Variants in EWSR1 observed in about 807,000 individuals in gnomAD.
EWSR1 encodes EWS RNA binding protein 1.
A neutral mutation model predicts 92.1 loss-of-function variants in EWSR1; 14 were observed. The observed-to-expected ratio is 0.15, with a 90% CI of 0.10 to 0.24. The LOEUF is 0.24. EWSR1 is among the 10% of genes least tolerant of loss of function. The probability of loss-of-function intolerance (pLI) is 1.00; values close to 1 mark genes in which losing one functional copy is unlikely to be tolerated. For synonymous variants in EWSR1, 303 were observed against 292.9 expected, an observed-to-expected ratio of 1.03 and a Z score of -0.35; for missense variants, 637 against 870.9, an observed-to-expected ratio of 0.73 and a Z score of 3.38.
At chr22:29,287,739 A>G (rs2060154582) in intron 7 of EWSR1, among the ~76,000 whole-genome samples, 1 of 152,246 alleles carries the variant, frequency 6.6e-6, no homozygotes, top group African/African-American at 2.4e-5. Context: ...GGGAAGTTGT[A>G]TGCAGTGAGT....
At position 29,272,210 on chromosome 22, in the gene EWSR1, C is replaced by T. The variant is rs6006084; in HGVS notation, c.14-6C>T. 10,720 of 1,613,514 alleles carry T rather than the reference C, an allele frequency of 6.6e-3. 626 individuals are homozygous for T. The African/African-American group carries it at 0.13, about 19-fold the overall frequency. On this transcript the variant is annotated splice_region_variant and splice_polypyrimidine_tract_variant and intron_variant, in intron 1 of 16. Coordinates refer to ENST00000397938, the MANE Select transcript of EWSR1 (RefSeq NM_005243.4). ...TACACTATTTTTCCTCCTTGTTTTC[C>T]TCTAGATTACAGTACCTATAGCCAA...
intron 8 of EWSR1, chr22:29,290,118 G>GC: frequency 1.0e-5 from 3 of 288,604 alleles, no homozygotes; most frequent in Non-Finnish European, 1.9e-5. Flanking sequence ...AGTAGAGGGG[G>GC]CCCCTCTTTC....
chr22:29,274,243 TTTTG>T (rs770603367), intron 4 of EWSR1: 2 of 1,613,610 alleles, frequency 1.2e-6, no homozygotes, highest in East Asian at 4.5e-5. Context: ...ACCCTCTACT[TTTTG>T]TTTTGTGCTT....
At chr22:29,292,034 C>T (rs1486721317) in intron 9 of EWSR1, 103 bp from the exon 10 acceptor site, 3 of 969,274 alleles carry the variant, frequency 3.1e-6, no homozygotes, top group Non-Finnish European at 5.0e-6. Context: ...TTAATGAATC[C>T]CCATCAAATG....
chr22:29,289,761 A>G (rs896221193), intron 8 of EWSR1: 3 of 232,216 alleles, frequency 1.3e-5, no homozygotes, highest in Non-Finnish European at 2.6e-5. Flanking sequence ...TTTAACTTCC[A>G]TATTAGCAAA....
intron 6 of EWSR1, 141 bp from the exon 7 acceptor site, chr22:29,286,782 A>G (rs1602407392): frequency 1.6e-6 from 1 of 619,418 alleles, no homozygotes; most frequent in Non-Finnish European, 2.8e-6. Context: ...TTGAAATTCA[A>G]ATTGTTGATG....
chr22:29,289,786 G>T (rs1299888250), intron 8 of EWSR1: 1 of 231,742 alleles, frequency 4.3e-6, no homozygotes, highest in African/African-American at 2.2e-5. Context: ...CTTCACTACT[G>T]AAAGACAGTA....
chr22:29,291,899 A>G (rs905382874), intron 9 of EWSR1: 16 of 579,076 alleles, frequency 2.8e-5, no homozygotes, highest in Non-Finnish European at 4.3e-5. Context: ...GCACATAAGC[A>G]TTGAGAGTGT....
At position 29,300,261 on chromosome 22, in the gene EWSR1, C is replaced by T; in HGVS notation, c.*100C>T. On this transcript the variant is annotated 3_prime_UTR_variant, in exon 17 of 17. Transcript: ENST00000397938. ...TCCATATTTATAATGTTGGCCACAA[C>T]ATTATGATTATTCCTTGTCTGTACT... The T allele has an allele frequency of 8.8e-7, 1 of 1,134,896 alleles. No homozygotes were observed. The highest frequency in any genetic ancestry group is 1.3e-6 in the Non-Finnish European group (1 of 767,196). The allele number at this position is 1,134,896 out of a possible 1,614,324, so 70.3% of individuals were successfully genotyped here.
chr22:29,278,412 C>T (rs769389558), intron 5 of EWSR1, among the ~76,000 whole-genome samples, 196 bp downstream of exon 5: 31 of 152,182 alleles, frequency 2.0e-4, no homozygotes, highest in Non-Finnish European at 3.8e-4. Context: ...ATTGGCTGGG[C>T]GCGGTTTCTC....
At chr22:29,284,439 G>C (rs1318815441) in intron 6 of EWSR1, among the ~76,000 whole-genome samples, 1 of 151,388 alleles carries the variant, frequency 6.6e-6, no homozygotes, top group South Asian at 2.1e-4. Flanking sequence ...TTGATTGGGT[G>C]TCTCTCCATA....
intron 5 of EWSR1, among the ~76,000 whole-genome samples, chr22:29,280,747 C>T (rs2059499687): frequency 6.7e-6 from 1 of 149,744 alleles, no homozygotes; most frequent in South Asian, 2.1e-4. Context: ...AATCTCGGCT[C>T]GCTGGAGCCT....
chr22:29,297,696 C>A, intron 12 of EWSR1, 131 bp from the exon 13 acceptor site: 1 of 1,303,030 alleles, frequency 7.7e-7, no homozygotes, highest in African/African-American at 1.5e-5. Flanking sequence ...TTTTTCTGGC[C>A]TTGTCATTAA....
At position 29,269,960 on chromosome 22, in the gene EWSR1, C is replaced by G. The variant is rs140828017; in HGVS notation, c.13+1611C>G. Among the ~76,000 whole-genome samples the G allele has an allele frequency of 2.1e-3, 315 of 152,304 alleles. 1 individual carries two copies. In the Middle Eastern group the frequency reaches 0.024, roughly 12 times the overall value. On this transcript the variant is annotated intron_variant, in intron 1 of 16. Transcript: ENST00000397938. ...GGTTTCTGTTGACACAAAGTAAACA[C>G]ATTAGGCCTGGCTGGGGGGGCCTTC...
At position 29,286,910 on chromosome 22, in the gene EWSR1, C is replaced by A; in HGVS notation, c.582-13C>A. The stretch of plus-strand genomic sequence containing the variant: ...AAAAAAGCTTTTTTTTTTTTCTCTT[C>A]TCTCTCTTTCAGCTATTCCTCTACA... On this transcript the variant is annotated splice_polypyrimidine_tract_variant and intron_variant, in intron 6 of 16. Coordinates refer to ENST00000397938, the MANE Select transcript of EWSR1 (RefSeq NM_005243.4). 3 of 1,546,632 alleles carry A rather than the reference C, an allele frequency of 1.9e-6. No homozygotes were observed. Among genetic ancestry groups the A allele is most frequent in the Non-Finnish European group, 2.6e-6 (3 of 1,138,582 alleles).
intron 14 of EWSR1, 68 bp from the exon 15 acceptor site, chr22:29,299,166 C>T (rs1275297568): frequency 6.2e-7 from 1 of 1,613,360 alleles, no homozygotes; most frequent in Non-Finnish European, 8.5e-7. Context: ...CCTGTTCACA[C>T]ACCACCTTTC....
intron 4 of EWSR1, among the ~76,000 whole-genome samples, chr22:29,275,477 T>C (rs1252643537): frequency 3.3e-5 from 5 of 152,202 alleles, no homozygotes; most frequent in Admixed American, 3.3e-4. Context: ...GTAATAATAA[T>C]GTTTGTATAA....
chr22:29,288,969 ATTTTCTT>A (rs2060248440), intron 8 of EWSR1, 183 bp downstream of exon 8: 1 of 590,838 alleles, frequency 1.7e-6, no homozygotes, highest in Non-Finnish European at 2.8e-6. Context: ...GTGGCAGTTT[ATTTTCTT>A]TCCCTGCCAG....
rs1359720177 is a variant in EWSR1, at chr22:29,279,620, T to G, written c.413+1404T>G. 3.3e-5 allele frequency among the ~76,000 whole-genome samples: 5 copies of G among 152,236 alleles called. 2 individuals are homozygous for G. ...CTTGAAAGGACATTGAATTCTGGTT[T>G]GAAAGAAGACATTTTAGGAAATCAA... is the stretch of plus-strand genomic sequence containing the variant. On this transcript the variant is annotated intron_variant, in intron 5 of 16. Transcript: ENST00000397938.
Sources: gnomAD v4.1 joint callset for allele counts (sites outside exome capture counted in the v4.1 genomes callset) on GRCh38, gnomAD v4.1.1 for gene constraint, MANE v1.5 for transcripts, NCBI Gene and HGNC (gene_info 2026-07-23, HGNC 2026-07-21) for gene names.